Variants in OSBPL3 observed in about 807,000 individuals in gnomAD.
The protein encoded by OSBPL3 is oxysterol-binding protein-related protein 3.
OSBPL3 carries 65 observed loss-of-function variants against 120.1 expected under a neutral mutation model. That is an observed-to-expected ratio of 0.54 (90% CI 0.44 to 0.67). The LOEUF (loss-of-function observed/expected upper bound fraction) is 0.67. OSBPL3 is among the 30% of genes least tolerant of loss of function. The pLI is 0.00. For missense variants in OSBPL3, 1,004 were observed against 1,082.1 expected, an observed-to-expected ratio of 0.93 and a Z score of 1.01; for synonymous variants, 416 against 402.6, an observed-to-expected ratio of 1.03 and a Z score of -0.40.
rs1183595655 is a variant in OSBPL3 at position 24,881,942 on chromosome 7, C to T, written c.97-9873G>A. ...CTTTTCCTCTATGTCTGTCTTCTCC[C>T]GAACGTGTTTCTTATAAGGACATTT... is the stretch of plus-strand genomic sequence containing the variant. On this transcript the variant is annotated intron_variant, in intron 2 of 22. Transcript: ENST00000313367. This position sits in a 1 kb window ranked among gnomAD's most constrained non-coding sequence, Gnocchi z 4.3. Among the ~76,000 whole-genome samples, 1 of 152,108 alleles carries T rather than the reference C, an allele frequency of 6.6e-6. No homozygotes were observed. Among genetic ancestry groups the T allele is most frequent in the Non-Finnish European group, 1.5e-5 (1 of 68,030 alleles).
chr7:24,842,209 A>G, intron 13 of OSBPL3, 70 bp downstream of exon 13: 1 of 1,477,356 alleles, frequency 6.8e-7, no homozygotes, highest in Non-Finnish European at 9.3e-7. Context: ...TGGATTATTT[A>G]CTGAACAGAT....
chr7:24,973,644 T>C (rs1171201440), intron 1 of OSBPL3, among the ~76,000 whole-genome samples: 1 of 152,210 alleles, frequency 6.6e-6, no homozygotes, highest in Non-Finnish European at 1.5e-5. Flanking sequence ...TGCTATTCCA[T>C]TTATTATTAT....
Position 24,898,265 on chromosome 7 carries a change from C to T in OSBPL3, c.-149-5644G>A, listed in dbSNP as rs543386415. Among the ~76,000 whole-genome samples the T allele has an allele frequency of 2.6e-5, 4 of 152,224 alleles. No individual in the cohort carries two copies. In the South Asian group the frequency reaches 6.2e-4, roughly 24 times the overall value. On this transcript the variant is annotated intron_variant, in intron 1 of 22. Transcript: ENST00000313367. The surrounding 1 kb of genome is among the most constrained non-coding windows in gnomAD (Gnocchi z 4.3). ...CAACTTCAGATACCGATCGGTGATCCCGGACCTCTGAAGTGCTGTCCATGT... is the reference window on the plus strand; with the variant it reads ...CAACTTCAGATACCGATCGGTGATCTCGGACCTCTGAAGTGCTGTCCATGT...
rs1381586191 is a variant in OSBPL3 at position 24,939,065 on chromosome 7, G to C, written c.-150+40821C>G. Reference sequence around the variant, plus strand: ...TGGATGAAATCATAGGAACAGTTAAGATAGCCCAAGGAATCAGCACTGAGC... The same window carrying C: ...TGGATGAAATCATAGGAACAGTTAACATAGCCCAAGGAATCAGCACTGAGC... On this transcript the variant is annotated intron_variant, in intron 1 of 22. Coordinates refer to ENST00000313367, the MANE Select transcript of OSBPL3 (RefSeq NM_015550.4). The surrounding 1 kb of genome is among the most constrained non-coding windows in gnomAD (Gnocchi z 4.2). Among the ~76,000 whole-genome samples the C allele has an allele frequency of 6.6e-6, 1 of 152,094 alleles. No homozygotes were observed. The highest frequency in any genetic ancestry group is 1.5e-5 in the Non-Finnish European group (1 of 68,012).
At chr7:24,842,171 G>C in intron 13 of OSBPL3, 108 bp downstream of exon 13, 1 of 1,147,396 alleles carries the variant, frequency 8.7e-7, no homozygotes, top group Non-Finnish European at 1.3e-6. Context: ...TGACTACAAA[G>C]GGCAACTGAG....
intron 1 of OSBPL3, among the ~76,000 whole-genome samples, chr7:24,979,641 G>A (rs1464331704): frequency 1.3e-5 from 2 of 152,088 alleles, no homozygotes; most frequent in Admixed American, 6.5e-5. Flanking sequence ...CCTCTGAGCC[G>A]TCCCTCGAGG....
chr7:24,944,770 T>C (rs1031291829), intron 1 of OSBPL3, among the ~76,000 whole-genome samples: 5 of 152,268 alleles, frequency 3.3e-5, no homozygotes, highest in African/African-American at 1.2e-4. Flanking sequence ...ATATGGTATT[T>C]GTATTTTTCT....
intron 12 of OSBPL3, among the ~76,000 whole-genome samples, chr7:24,844,987 C>A (rs574477959): frequency 1.3e-5 from 2 of 151,972 alleles, no homozygotes; most frequent in African/African-American, 4.8e-5. Context: ...TATAGTGTCA[C>A]AGAGTAATAA....
chr7:24,857,894 T>C (rs1800032374), intron 10 of OSBPL3, among the ~76,000 whole-genome samples: 1 of 152,238 alleles, frequency 6.6e-6, no homozygotes, highest in South Asian at 2.1e-4. Context: ...TTTCCAAACA[T>C]TTTTAATCAT....
rs1207504905 is a variant in OSBPL3, at chr7:24,870,882, G to T, written c.268-37C>A. The stretch of plus-strand genomic sequence containing the variant: ...CCAAGAGGGTCACTTGGGGACCATG[G>T]TGTTAGAAGCAGTAGTCACATCCCT... On this transcript the variant is annotated intron_variant, in intron 4 of 22. Transcript: ENST00000313367. The T allele has an allele frequency of 5.2e-6, 7 of 1,345,122 alleles. No homozygotes were observed. In the South Asian group the frequency reaches 8.2e-5, roughly 16 times the overall value. The allele number at this position is 1,345,122 out of a possible 1,614,324, so 83.3% of individuals were successfully genotyped here.
Position 24,867,747 on chromosome 7 carries a change from A to G in OSBPL3, c.382-1510T>C, listed in dbSNP as rs970446175. 5.3e-5 allele frequency among the ~76,000 whole-genome samples: 8 copies of G among 152,140 alleles called. No homozygotes were observed. The highest frequency in any genetic ancestry group is 1.9e-4 in the African/African-American group (8 of 41,432). On this transcript the variant is annotated intron_variant, in intron 5 of 22. Transcript: ENST00000313367. This position sits in a 1 kb window ranked among gnomAD's most constrained non-coding sequence, Gnocchi z 4.5. ...AGCAGTGTGAAAACGAACTAATACA[A>G]TATGTTAATGAATGTGAAAGTTATT...
chr7:24,954,246 T>G (rs1814778928), intron 1 of OSBPL3, among the ~76,000 whole-genome samples: 1 of 152,180 alleles, frequency 6.6e-6, no homozygotes. Context: ...TTTTTGCATA[T>G]TAAGGTATTT....
chr7:24,825,657 A>C (rs933621692), intron 16 of OSBPL3, among the ~76,000 whole-genome samples: 1 of 152,198 alleles, frequency 6.6e-6, no homozygotes, highest in African/African-American at 2.4e-5. Flanking sequence ...TTATTTAATC[A>C]GTAATAAATA....
chr7:24,828,037 T>C (rs1795906718), intron 16 of OSBPL3, among the ~76,000 whole-genome samples: 1 of 152,176 alleles, frequency 6.6e-6, no homozygotes, highest in African/African-American at 2.4e-5. Context: ...TTTTCCCTTT[T>C]TTTTTGAAAT....
At chr7:24,860,226 C>T (rs1800337458) in intron 10 of OSBPL3, among the ~76,000 whole-genome samples, 1 of 152,108 alleles carries the variant, frequency 6.6e-6, no homozygotes, top group African/African-American at 2.4e-5. Context: ...CTTGTGCTAC[C>T]CCTTTATAAT....
intron 16 of OSBPL3, among the ~76,000 whole-genome samples, chr7:24,829,621 C>T (rs947435304): frequency 6.6e-6 from 1 of 152,148 alleles, no homozygotes; most frequent in Non-Finnish European, 1.5e-5. Context: ...GAGAAATGTA[C>T]AGAAGCAATG....
At chr7:24,865,892 G>T (rs1057434216) in intron 6 of OSBPL3, among the ~76,000 whole-genome samples, 178 bp downstream of exon 6, 6 of 151,938 alleles carry the variant, frequency 3.9e-5, no homozygotes, top group Non-Finnish European at 8.8e-5. Context: ...CCAACTAATA[G>T]ATGCTTGTCT....
At chr7:24,807,143 T>C (rs560004905) in intron 20 of OSBPL3, among the ~76,000 whole-genome samples, 84 of 152,368 alleles carry the variant, frequency 5.5e-4, no homozygotes, top group Non-Finnish European at 1.0e-3. Context: ...AGCAAATTTA[T>C]ACAATGCTGT....
Position 24,834,284 on chromosome 7 carries a change from C to T in OSBPL3, c.1746+202G>A. 1 of 1,407,104 alleles carries T rather than the reference C, an allele frequency of 7.1e-7. No homozygotes were observed. Among genetic ancestry groups the T allele is most frequent in the South Asian group, 1.7e-5 (1 of 59,836 alleles). The allele number at this position is 1,407,104 out of a possible 1,614,324, so 87.2% of individuals were successfully genotyped here. On this transcript the variant is annotated intron_variant, in intron 15 of 22. Coordinates refer to ENST00000313367, the MANE Select transcript of OSBPL3 (RefSeq NM_015550.4). This position sits in a 1 kb window ranked among gnomAD's most constrained non-coding sequence, Gnocchi z 5.2. ...CACCAAGTGCCACGGAGAAGCACCC[C>T]AACCCCGTCTCCAAATCCTCACAAG... is the stretch of plus-strand genomic sequence containing the variant.
Sources: allele counts gnomAD v4.1 joint callset (sites outside exome capture counted in the v4.1 genomes callset), GRCh38; gene constraint gnomAD v4.1.1; non-coding constraint Gnocchi (gnomAD v3.1); transcripts MANE v1.5; gene names NCBI Gene and HGNC (gene_info 2026-07-23, HGNC 2026-07-21).